The following PCDH9 variants were observed in gnomAD, a reference collection of about 807,000 sequenced individuals.
PCDH9 encodes protocadherin-9.
PCDH9 carries 24 observed loss-of-function variants against 70.6 expected under a neutral mutation model. That is an observed-to-expected ratio of 0.34 (90% CI 0.25 to 0.48). The LOEUF is 0.48. Ranked by LOEUF, PCDH9 falls within the 20% of genes least tolerant of loss-of-function variation. The pLI, the probability that PCDH9 is intolerant of heterozygous loss-of-function variation, is 0.99. For synonymous variants in PCDH9, 562 were observed against 558.5 expected (o/e 1.01, Z -0.09); for missense variants, 1,281 against 1,503.6 (o/e 0.85, Z 2.45).
intron 3 of PCDH9, among the ~76,000 whole-genome samples, chr13:66,646,499 A>T (rs2077772924): frequency 6.6e-6 from 1 of 152,244 alleles, no homozygotes; most frequent in Non-Finnish European, 1.5e-5. Flanking sequence ...TGTTGAATGA[A>T]AATATACAAC....
intron 2 of PCDH9, among the ~76,000 whole-genome samples, chr13:66,943,353 T>G (rs1038226928): frequency 6.6e-6 from 1 of 152,048 alleles, no homozygotes; most frequent in Non-Finnish European, 1.5e-5. Context: ...CTGTTTCAAG[T>G]AGGACAATGA....
intron 4 of PCDH9, among the ~76,000 whole-genome samples, chr13:66,523,422 A>C (rs1019013293): frequency 6.6e-6 from 1 of 152,046 alleles, no homozygotes; most frequent in Non-Finnish European, 1.5e-5. Flanking sequence ...AGAAAAATAA[A>C]CTGCCAAATG....
intron 4 of PCDH9, among the ~76,000 whole-genome samples, chr13:66,598,753 G>A (rs2077131397): frequency 6.6e-6 from 1 of 151,940 alleles, no homozygotes; most frequent in East Asian, 1.9e-4. Context: ...TTTAATATGT[G>A]TTTTAAGGGA....
intron 4 of PCDH9, among the ~76,000 whole-genome samples, chr13:66,380,928 A>C (rs908466918): frequency 6.6e-6 from 1 of 152,180 alleles, no homozygotes; most frequent in Non-Finnish European, 1.5e-5. Flanking sequence ...TTTAGGACCC[A>C]AAATTTAACT....
At chr13:66,606,004 T>TCATGGGGCTCCCCTCGCCATTC (rs1475741376) in intron 4 of PCDH9, among the ~76,000 whole-genome samples, 2 of 152,038 alleles carry the variant, frequency 1.3e-5, no homozygotes, top group East Asian at 1.9e-4. Context: ...GACATAGAAA[T>TCATGGGGCTCCCCTCGCCATTC]CATGGGGCTC....
At chr13:67,125,124 C>A (rs1178122345) in intron 2 of PCDH9, among the ~76,000 whole-genome samples, 1 of 152,080 alleles carries the variant, frequency 6.6e-6, no homozygotes, top group Non-Finnish European at 1.5e-5. Flanking sequence ...TGGGAATGTT[C>A]AGAGATGTAT....
intron 4 of PCDH9, among the ~76,000 whole-genome samples, chr13:66,567,322 G>C (rs142196860): frequency 2.0e-5 from 3 of 152,248 alleles, no homozygotes; most frequent in East Asian, 1.9e-4. Flanking sequence ...AATAAAAAAC[G>C]CGTGGTATGG....
At chr13:66,445,658 G>GTATACACATATATAATACATACAC (rs1566331170) in intron 4 of PCDH9, among the ~76,000 whole-genome samples, 2 of 123,014 alleles carry the variant, frequency 1.6e-5, no homozygotes, top group African/African-American at 6.3e-5. Flanking sequence ...TATATATACA[G>GTATACACATATATAATACATACAC]ATATATATTA....
Position 66,490,432 on chromosome 13 carries a change from T to C in PCDH9, c.3340+140778A>G, listed in dbSNP as rs138667046. On this transcript the variant is annotated intron_variant, in intron 4 of 4. Transcript: ENST00000377865. ...GCTGTCCATCTCTTCTAATTTGCTT[T>C]TTAAATCTGTGGACCTTAAAAACAG... is the stretch of plus-strand genomic sequence containing the variant. Among the ~76,000 whole-genome samples the C allele has an allele frequency of 3.5e-4, 53 of 152,330 alleles. 1 individual carries two copies. Among genetic ancestry groups the C allele is most frequent in the African/African-American group, 1.1e-3 (47 of 41,572 alleles).
At chr13:67,001,955 T>G (rs974954823) in intron 2 of PCDH9, 3 of 152,202 alleles carry the variant, frequency 2.0e-5, no homozygotes, top group Non-Finnish European at 4.4e-5. Flanking sequence ...GGGTTTCCAC[T>G]GTATTGAATC....
intron 2 of PCDH9, chr13:67,220,563 A>G (rs1221701097): frequency 6.6e-6 from 1 of 152,058 alleles, no homozygotes; most frequent in Non-Finnish European, 1.5e-5. Flanking sequence ...ACATGTTATT[A>G]CAAGTACAAT....
chr13:66,984,512 A>G (rs565084162), intron 2 of PCDH9, among the ~76,000 whole-genome samples: 1 of 152,256 alleles, frequency 6.6e-6, no homozygotes, highest in South Asian at 2.1e-4. Flanking sequence ...ACCTAGGACA[A>G]ATCACTGAAA....
intron 2 of PCDH9, among the ~76,000 whole-genome samples, chr13:67,196,827 C>T (rs75010880): frequency 0.012 from 1,882 of 152,002 alleles, 40 homozygotes; most frequent in African/African-American, 0.043. Context: ...GCTTAAATAC[C>T]AAGCTTTAAT....
intron 2 of PCDH9, chr13:67,215,954 G>A (rs2089590990): frequency 6.6e-6 from 1 of 152,116 alleles, no homozygotes; most frequent in African/African-American, 2.4e-5. Flanking sequence ...TGGCATACCA[G>A]TATTTGGATT....
intron 4 of PCDH9, among the ~76,000 whole-genome samples, chr13:66,593,146 T>C (rs1407936696): frequency 1.3e-5 from 2 of 151,704 alleles, no homozygotes; most frequent in African/African-American, 2.4e-5. Flanking sequence ...AATTTCATGG[T>C]ACATTTTTGG....
intron 2 of PCDH9, among the ~76,000 whole-genome samples, chr13:67,053,745 T>C (rs1414973410): frequency 1.3e-5 from 2 of 152,190 alleles, no homozygotes; most frequent in African/African-American, 2.4e-5. Context: ...ACAATACAGA[T>C]GACACAATTT....
chr13:66,839,518 G>A (rs2081080406), intron 3 of PCDH9, among the ~76,000 whole-genome samples: 1 of 152,144 alleles, frequency 6.6e-6, no homozygotes, highest in Non-Finnish European at 1.5e-5. Context: ...CTGTGCGATG[G>A]GTACTTGCAG....
chr13:67,009,545 T>C (rs1336335529), intron 2 of PCDH9, among the ~76,000 whole-genome samples: 1 of 152,086 alleles, frequency 6.6e-6, no homozygotes, highest in African/African-American at 2.4e-5. Flanking sequence ...GGATTTTTAA[T>C]TGATCTCCAA....
At chr13:67,027,911 A>C (rs1313315061) in intron 2 of PCDH9, among the ~76,000 whole-genome samples, 1 of 151,596 alleles carries the variant, frequency 6.6e-6, no homozygotes, top group Non-Finnish European at 1.5e-5. Flanking sequence ...TTAAAAAGTC[A>C]GGAAACAACA....
Sources: allele counts gnomAD v4.1 joint callset (sites outside exome capture counted in the v4.1 genomes callset), GRCh38; gene constraint gnomAD v4.1.1; transcripts MANE v1.5; gene names NCBI Gene and HGNC (gene_info 2026-07-23, HGNC 2026-07-21).